QKI: variants seen among roughly 807,000 people sequenced by gnomAD.
QKI encodes the protein KH domain-containing RNA-binding protein QKI.
A neutral mutation model predicts 39.0 loss-of-function variants in QKI; 10 were observed. That is an observed-to-expected ratio of 0.26 (90% confidence interval 0.16 to 0.43). QKI has a LOEUF of 0.43. Ranked by LOEUF, QKI falls within the 20% of genes least tolerant of loss-of-function variation. The pLI, the probability that QKI is intolerant of heterozygous loss-of-function variation, is 1.00. For missense variants in QKI, 218 were observed against 428.0 expected, an observed-to-expected ratio of 0.51 and a Z score of 4.33; for synonymous variants, 204 against 155.4, an observed-to-expected ratio of 1.31 and a Z score of -2.33.
At chr6:163,472,903 A>G (rs2128223667) in intron 2 of QKI, among the ~76,000 whole-genome samples, 1 of 152,318 alleles carries the variant, frequency 6.6e-6, no homozygotes, top group Non-Finnish European at 1.5e-5. Context: ...GGAATACAAT[A>G]AGCAAAATAT....
chr6:163,496,744 C>T (rs145487634), intron 3 of QKI, among the ~76,000 whole-genome samples: 357 of 152,222 alleles, frequency 2.3e-3, no homozygotes, highest in Non-Finnish European at 3.7e-3. Flanking sequence ...TGTTGCTACT[C>T]CCTCTGCCTG....
At chr6:163,481,457 G>T (rs549995295) in intron 3 of QKI, among the ~76,000 whole-genome samples, 1 of 152,222 alleles carries the variant, frequency 6.6e-6, no homozygotes, top group Admixed American at 6.5e-5. Context: ...GGCACAGAGT[G>T]CAGGCACTTG....
At chr6:163,556,976 A>G (rs1332638265) in intron 4 of QKI, among the ~76,000 whole-genome samples, 1 of 152,192 alleles carries the variant, frequency 6.6e-6, no homozygotes, top group Admixed American at 6.5e-5. Context: ...CAGCAACTCT[A>G]CTCATAGGTA....
chr6:163,501,002 T>C (rs1778723307), intron 3 of QKI, among the ~76,000 whole-genome samples: 2 of 152,154 alleles, frequency 1.3e-5, no homozygotes, highest in Admixed American at 6.5e-5. Flanking sequence ...CAAAATAAGA[T>C]GAAAATAGTT....
intron 3 of QKI, among the ~76,000 whole-genome samples, chr6:163,517,484 C>G (rs578199053): frequency 6.7e-6 from 1 of 150,228 alleles, no homozygotes; most frequent in South Asian, 2.3e-4. Context: ...GTGGCTTAAT[C>G]TTGGTTCATT....
intron 3 of QKI, among the ~76,000 whole-genome samples, chr6:163,503,379 CT>C (rs1219085413): frequency 6.6e-6 from 1 of 151,902 alleles, no homozygotes; most frequent in Non-Finnish European, 1.5e-5. Flanking sequence ...TATAGGGGGT[CT>C]TTTCCCCATT....
chr6:163,566,459 A>C (rs1356039909), intron 6 of QKI: 2 of 1,312,018 alleles, frequency 1.5e-6, no homozygotes, highest in South Asian at 1.6e-5. Flanking sequence ...AATAGAGCTC[A>C]TGAAATACTG....
At chr6:163,496,170 GTCTC>G (rs1421251066) in intron 3 of QKI, among the ~76,000 whole-genome samples, 2 of 152,056 alleles carry the variant, frequency 1.3e-5, no homozygotes, top group East Asian at 1.9e-4. Context: ...TGATTTTAGA[GTCTC>G]TCTCCTTGAC....
At chr6:163,526,904 G>A (rs540416474) in intron 3 of QKI, among the ~76,000 whole-genome samples, 2 of 152,270 alleles carry the variant, frequency 1.3e-5, no homozygotes, top group East Asian at 3.9e-4. Flanking sequence ...TGGAATTAAT[G>A]TATGAAAATT....
intron 2 of QKI, among the ~76,000 whole-genome samples, chr6:163,473,533 A>G (rs1792358474): frequency 6.6e-6 from 1 of 152,238 alleles, no homozygotes; most frequent in Admixed American, 6.5e-5. Flanking sequence ...AGATACAGGT[A>G]ACCAGTCAAG....
At chr6:163,466,357 C>G (rs948336061) in intron 2 of QKI, among the ~76,000 whole-genome samples, 15 of 152,096 alleles carry the variant, frequency 9.9e-5, no homozygotes, top group Admixed American at 9.8e-4. Flanking sequence ...CAATTCCTGT[C>G]AAAATTCCAT....
intron 3 of QKI, among the ~76,000 whole-genome samples, chr6:163,503,118 ATGTT>A (rs1293047956): frequency 7.1e-6 from 1 of 141,836 alleles, no homozygotes; most frequent in Non-Finnish European, 1.5e-5. Context: ...GCATCTTTTC[ATGTT>A]TGTTGGCCCC....
intron 2 of QKI, 142 bp from the exon 3 acceptor site, chr6:163,478,638 A>G (rs913164961): frequency 4.9e-6 from 3 of 611,904 alleles, no homozygotes; most frequent in Admixed American, 3.2e-5. Context: ...CAAGAAATTC[A>G]TAAGGGCTCT....
chr6:163,566,831 T>TG (rs1457958706), intron 7 of QKI, 36 bp downstream of exon 7: 1 of 1,605,508 alleles, frequency 6.2e-7, no homozygotes, highest in Non-Finnish European at 8.5e-7. Context: ...CTATAAGAAA[T>TG]GCGTTGGGTG....
At chr6:163,449,279 G>A (rs576664376) in intron 1 of QKI, among the ~76,000 whole-genome samples, 7 of 152,170 alleles carry the variant, frequency 4.6e-5, no homozygotes, top group East Asian at 1.9e-4. Context: ...TATACTTGTC[G>A]TTTTACTGAC....
rs181482915 is a variant in QKI at position 163,440,205 on chromosome 6, C to T, written c.143-15074C>T. On this transcript the variant is annotated intron_variant, in intron 1 of 7. Coordinates refer to ENST00000361752, the MANE Select transcript of QKI (RefSeq NM_006775.3). ...ACTGCTTTTCCCACTATCATGATCA[C>T]TCACTCTAGCAGCAACCAAATTTAA... Among the ~76,000 whole-genome samples, 263 of 152,334 alleles carry T rather than the reference C, an allele frequency of 1.7e-3. 1 individual carries two copies. The highest frequency in any genetic ancestry group is 6.1e-3 in the African/African-American group (253 of 41,570).
chr6:163,503,273 C>T (rs4709720), intron 3 of QKI, among the ~76,000 whole-genome samples: 63,912 of 151,522 alleles, frequency 0.42, 16,762 homozygotes, highest in East Asian at 0.72. Context: ...TGAGCCACTG[C>T]GCCCAGCTGC....
intron 4 of QKI, among the ~76,000 whole-genome samples, chr6:163,555,736 A>G (rs1339293418): frequency 6.6e-6 from 1 of 152,186 alleles, no homozygotes; most frequent in Non-Finnish European, 1.5e-5. Flanking sequence ...GGCCTTTGTG[A>G]TAGGCAGTGG....
Position 163,468,958 on chromosome 6 carries a change from C to T in QKI, c.286-9822C>T, listed in dbSNP as rs73784412. Among the ~76,000 whole-genome samples the T allele has an allele frequency of 3.4e-3, 513 of 151,866 alleles. 4 individuals are homozygous for T. Among genetic ancestry groups the T allele is most frequent in the African/African-American group, 0.012 (483 of 41,406 alleles). On this transcript the variant is annotated intron_variant, in intron 2 of 7. Transcript: ENST00000361752. The stretch of plus-strand genomic sequence containing the variant: ...CTTACAACATTTTGAGAAGGATGAC[C>T]TCGACAATTTCAGCTGTACTAGAGT...
Sources: gnomAD v4.1 joint callset for allele counts (sites outside exome capture counted in the v4.1 genomes callset) on GRCh38, gnomAD v4.1.1 for gene constraint, MANE v1.5 for transcripts, NCBI Gene and HGNC (gene_info 2026-07-23, HGNC 2026-07-21) for gene names.